The following THADA variants were observed in gnomAD, a reference collection of about 807,000 sequenced individuals.
THADA encodes THADA armadillo repeat containing.
Under a neutral mutation model 219.8 loss-of-function variants are expected in THADA, and 213 were observed. That is an observed-to-expected ratio of 0.97 (90% confidence interval 0.87 to 1.09). The LOEUF is 1.09. THADA is among the 50% of genes least tolerant of loss of function. The pLI, the probability that THADA is intolerant of heterozygous loss-of-function variation, is 0.00. For missense variants in THADA, 2,956 were observed against 2,311.3 expected, an observed-to-expected ratio of 1.28 and a Z score of -5.72; for synonymous variants, 1,018 against 828.9, an observed-to-expected ratio of 1.23 and a Z score of -3.92.
intron 21 of THADA, among the ~76,000 whole-genome samples, chr2:43,536,123 T>C (rs1019289911): frequency 6.6e-6 from 1 of 152,146 alleles, no homozygotes; most frequent in Admixed American, 6.5e-5. Context: ...AGTTGATTTT[T>C]GTATAGAGTG....
chr2:43,447,987 A>C (rs1681796909), intron 26 of THADA, among the ~76,000 whole-genome samples: 1 of 152,166 alleles, frequency 6.6e-6, no homozygotes, highest in Non-Finnish European at 1.5e-5. Context: ...GACAGCACTA[A>C]GGGGGAAAGA....
At chr2:43,245,200 T>C (rs1669020571) in intron 36 of THADA, among the ~76,000 whole-genome samples, 2 of 135,018 alleles carry the variant, frequency 1.5e-5, no homozygotes, top group Non-Finnish European at 3.2e-5. Flanking sequence ...TGAGACGGAG[T>C]CTTGCTCTGT....
chr2:43,422,732 T>G (rs1202089451), intron 28 of THADA, among the ~76,000 whole-genome samples: 1 of 152,192 alleles, frequency 6.6e-6, no homozygotes, highest in Non-Finnish European at 1.5e-5. Context: ...AAGGCTTTTT[T>G]GGGGGACAGG....
At chr2:43,312,024 CCT>C (rs1677570827) in intron 31 of THADA, among the ~76,000 whole-genome samples, 1 of 151,950 alleles carries the variant, frequency 6.6e-6, no homozygotes, top group Non-Finnish European at 1.5e-5. Flanking sequence ...CAAAGGGAGA[CCT>C]CTCTCTACAA....
In THADA at chr2:43,541,202, T is replaced by C. The variant is rs202099412; in HGVS notation, c.3221A>G (p.Gln1074Arg). The change falls in exon 21 of 38, where the codon CAG becomes CGG. Residue 1074 changes from glutamine (Q) to arginine (R), a missense_variant. By Grantham distance (43) the Gln-to-Arg change is conservative. Transcript: ENST00000405975. ...TCCATCAGAAGATTCTGGCACAGGCTGCATGGGCAGAAGCTGGCACAACAT... is the reference window on the plus strand; with the variant it reads ...TCCATCAGAAGATTCTGGCACAGGCCGCATGGGCAGAAGCTGGCACAACAT... Reference protein sequence around the residue: ...LGMLCQLLPMQPVPESSDGLL... With the variant: ...LGMLCQLLPMRPVPESSDGLL... The C allele has an allele frequency of 6.2e-7, 1 of 1,607,822 alleles. No homozygotes were observed. Among genetic ancestry groups the C allele is most frequent in the South Asian group, 1.1e-5 (1 of 89,554 alleles).
rs1001822921 is a variant in THADA, at chr2:43,574,538, C to G, written c.1527G>C (p.Leu509Phe). Residue 509 changes from leucine (L) to phenylalanine (F), a missense_variant, in exon 11 of 38, where the codon TTG becomes TTC. Transcript: ENST00000405975. ...ETMFRNHKSHLKSQTAESSWI... is the reference protein window; with the variant it reads ...ETMFRNHKSHFKSQTAESSWI... ...AAGAACTCTCAGCAGTCTGGGATTT[C>G]AAATGACTCTTATGATTTCTAAACA... 6.2e-7 allele frequency: 1 copy of G among 1,613,878 alleles called. No individual in the cohort carries two copies. The highest frequency in any genetic ancestry group is 1.3e-5 in the African/African-American group (1 of 74,940).
At chr2:43,443,596 G>A (rs1681130262) in intron 26 of THADA, among the ~76,000 whole-genome samples, 3 of 152,226 alleles carry the variant, frequency 2.0e-5, no homozygotes, top group Admixed American at 6.5e-5. Context: ...AAAAGTGATA[G>A]CCAAAAAGGA....
chr2:43,541,161 G>C lies in THADA; in HGVS notation c.3262C>G (p.Gln1088Glu). 1 of 1,567,672 alleles carries C rather than the reference G, an allele frequency of 6.4e-7. No individual in the cohort carries two copies. The highest frequency in any genetic ancestry group is 2.3e-5 in the East Asian group (1 of 42,844). Residue 1088 changes from glutamine (Q) to glutamate (E), a missense_variant and splice_region_variant, in exon 21 of 38, where the codon CAG becomes GAG. Coordinates refer to ENST00000405975, the MANE Select transcript of THADA (RefSeq NM_022065.5). Reference protein sequence around the residue: ...ESSDGLLTVEQVKEIGDYFKQ... With the variant: ...ESSDGLLTVEEVKEIGDYFKQ... ...GGTGGAATAAACATGTGCCTTACCT[G>C]CTCCACCGTCAATAATCCATCAGAA...
intron 9 of THADA, 22 bp downstream of exon 9, chr2:43,578,491 T>G (rs1195799795): frequency 6.4e-7 from 1 of 1,572,576 alleles, no homozygotes; most frequent in Non-Finnish European, 8.7e-7. Flanking sequence ...AAAGTACAAT[T>G]CTAAAAAGGA....
intron 20 of THADA, among the ~76,000 whole-genome samples, chr2:43,542,373 A>C (rs1012485741): frequency 6.6e-6 from 1 of 152,226 alleles, no homozygotes; most frequent in Non-Finnish European, 1.5e-5. Context: ...TGTTGTTTGA[A>C]ACTATTACAA....
chr2:43,245,908 C>T (rs1177704508), intron 36 of THADA, among the ~76,000 whole-genome samples: 1 of 152,050 alleles, frequency 6.6e-6, no homozygotes, highest in Non-Finnish European at 1.5e-5. Flanking sequence ...TGCCTCCCAG[C>T]TTTATGCAGA....
At chr2:43,499,661 G>C (rs1016149691) in intron 24 of THADA, among the ~76,000 whole-genome samples, 4 of 152,102 alleles carry the variant, frequency 2.6e-5, no homozygotes, top group Non-Finnish European at 5.9e-5. Flanking sequence ...ATAGGTGTGA[G>C]CCAGCGCACC....
chr2:43,485,209 A>G (rs1040911400), intron 26 of THADA, 25 bp downstream of exon 26: 1 of 1,563,856 alleles, frequency 6.4e-7, no homozygotes, highest in African/African-American at 1.4e-5. Context: ...TAAAAAAAGT[A>G]AAGTTAGCCT....
Position 43,279,123 on chromosome 2 carries a change from C to T in THADA, c.5296+642G>A, listed in dbSNP as rs150366378. 2.3e-3 allele frequency among the ~76,000 whole-genome samples: 345 copies of T among 152,252 alleles called. 1 individual carries two copies. Among genetic ancestry groups the T allele is most frequent in the African/African-American group, 8.1e-3 (337 of 41,552 alleles). On this transcript the variant is annotated intron_variant, in intron 36 of 37. Coordinates refer to ENST00000405975, the MANE Select transcript of THADA (RefSeq NM_022065.5). ...CCATTTTCTACCCACAGCCTGAGTT[C>T]CTTTTAGCTTTCGTAGCATTTGCCA...
chr2:43,428,008 A>T, intron 28 of THADA, 92 bp downstream of exon 28: 1 of 631,326 alleles, frequency 1.6e-6, no homozygotes, highest in South Asian at 3.8e-5. Flanking sequence ...TATATGATAT[A>T]TATAAAATAG....
At chr2:43,335,080 A>C (rs1666251720) in intron 30 of THADA, among the ~76,000 whole-genome samples, 2 of 152,160 alleles carry the variant, frequency 1.3e-5, no homozygotes, top group African/African-American at 4.8e-5. Flanking sequence ...TGGCTCTTCA[A>C]GGTACGTACT....
intron 28 of THADA, among the ~76,000 whole-genome samples, chr2:43,421,425 G>A (rs1331653987): frequency 6.6e-6 from 1 of 152,188 alleles, no homozygotes; most frequent in Non-Finnish European, 1.5e-5. Context: ...GTGCTGGCCA[G>A]GGCAGGAAGT....
At chr2:43,546,358 T>C (rs1470611389) in intron 20 of THADA, among the ~76,000 whole-genome samples, 2 of 152,164 alleles carry the variant, frequency 1.3e-5, no homozygotes, top group South Asian at 4.1e-4. Flanking sequence ...TGATTTGGGG[T>C]GGAGAGTTCT....
At chr2:43,523,095 G>A (rs1290404818) in intron 22 of THADA, among the ~76,000 whole-genome samples, 1 of 152,138 alleles carries the variant, frequency 6.6e-6, no homozygotes, top group African/African-American at 2.4e-5. Flanking sequence ...GCTGGGCGCG[G>A]TGGCTCATGT....
Sources: allele counts gnomAD v4.1 joint callset (sites outside exome capture counted in the v4.1 genomes callset), GRCh38; gene constraint gnomAD v4.1.1; transcripts MANE v1.5; gene names NCBI Gene and HGNC (gene_info 2026-07-23, HGNC 2026-07-21).